The following ZNF728 variants were observed in gnomAD, a reference collection of about 807,000 sequenced individuals.
The protein encoded by ZNF728 is zinc finger protein 728.
In ZNF728, 12 loss-of-function variants were observed where a neutral mutation model predicts 12.5. That is an observed-to-expected ratio of 0.96 (90% CI 0.61 to 1.55). ZNF728 has a LOEUF of 1.55. ZNF728 is among the 40% of genes most tolerant of loss of function. ZNF728 has a pLI of 0.00. For synonymous variants in ZNF728, 205 were observed against 240.7 expected (o/e 0.85, Z 1.37); for missense variants, 692 against 719.2 (o/e 0.96, Z 0.43).
At chr19:22,988,235 A>G in intron 2 of ZNF728, 90 bp downstream of exon 2, 32 of 1,594,532 alleles carry the variant, frequency 2.0e-5, no homozygotes, top group Non-Finnish European at 2.6e-5. Context: ...TTATTCCTGC[A>G]TTCATCCTCC....
At chr19:22,987,204 A>C in intron 3 of ZNF728, 104 bp downstream of exon 3, 1 of 1,065,462 alleles carries the variant, frequency 9.4e-7, no homozygotes, top group Non-Finnish European at 1.3e-6. Flanking sequence ...GGCTTTCCAG[A>C]AACTATTTCT....
In ZNF728 at chr19:22,984,871, A is replaced by G. The variant is rs185922373; in HGVS notation, c.226+2437T>C. On this transcript the variant is annotated intron_variant, in intron 3 of 3. Transcript: ENST00000594710. ...ATAATAAAGCAATATTGCAGGCATT[A>G]AAGTTCCTGATTTCAAAAGACATTC... is the stretch of plus-strand genomic sequence containing the variant. Among the ~76,000 whole-genome samples, 227 of 152,236 alleles carry G rather than the reference A, an allele frequency of 1.5e-3. 3 individuals carry two copies. In the East Asian group the frequency reaches 0.016, roughly 11 times the overall value.
chr19:22,990,993 G>C (rs552990215), intron 1 of ZNF728, among the ~76,000 whole-genome samples: 3 of 152,282 alleles, frequency 2.0e-5, no homozygotes, highest in Admixed American at 2.0e-4. Context: ...TGTCAGTAAT[G>C]ATGTTGTTCC....
chr19:22,985,486 T>G (rs289305), intron 3 of ZNF728, among the ~76,000 whole-genome samples: 1 of 151,720 alleles, frequency 6.6e-6, no homozygotes, highest in Admixed American at 6.6e-5. Context: ...TAAGAGAGCT[T>G]TGAGATCCAG....
rs190129855 is a variant in ZNF728 at position 22,990,319 on chromosome 19, A to T, written c.4-1868T>A. Among the ~76,000 whole-genome samples, 5 of 152,168 alleles carry T rather than the reference A, an allele frequency of 3.3e-5. No individual in the cohort carries two copies. In the East Asian group the frequency reaches 9.7e-4, roughly 29 times the overall value. On this transcript the variant is annotated intron_variant, in intron 1 of 3. Transcript: ENST00000594710. ...CTTTTCTAGGATTCTTTCTCAGATA[A>T]AATTCTCTGGACAAATTACACCTGC...
chr19:22,979,494 A>G (rs1203920135), intron 3 of ZNF728, among the ~76,000 whole-genome samples: 3 of 152,176 alleles, frequency 2.0e-5, no homozygotes, highest in Non-Finnish European at 1.5e-5. Flanking sequence ...GCCAACATTC[A>G]AAGTCAGGAA....
chr19:22,975,522 T>C lies in ZNF728; in HGVS notation c.1815A>G (p.Ser605=). 6.4e-7 allele frequency: 1 copy of C among 1,566,924 alleles called. No individual in the cohort carries two copies. Residue 605 remains serine, a synonymous_variant, in exon 4 of 4, where the codon TCA becomes TCG. Transcript: ENST00000594710. The part of the protein sequence containing the change: ...EECGKDFNQS[S]HLTTHKRIHT... ...GAATTCTCTTATGAGTAGTAAGGTG[T>C]GAGGATTGGTTGAAGTCTTTACCAC...
intron 3 of ZNF728, among the ~76,000 whole-genome samples, chr19:22,978,495 C>T (rs289317): frequency 0.31 from 46,571 of 152,152 alleles, 9,252 homozygotes; most frequent in African/African-American, 0.57. Context: ...CAACACCTAG[C>T]GTTTGAGCTC....
intron 3 of ZNF728, among the ~76,000 whole-genome samples, chr19:22,979,392 G>A (rs897448891): frequency 3.3e-5 from 5 of 152,140 alleles, no homozygotes; most frequent in African/African-American, 9.7e-5. Context: ...CATTTGATCG[G>A]GGTACCTGAA....
At chr19:22,994,339 C>A (rs572494350) in intron 1 of ZNF728, among the ~76,000 whole-genome samples, 1 of 152,234 alleles carries the variant, frequency 6.6e-6, no homozygotes, top group Non-Finnish European at 1.5e-5. Flanking sequence ...TTAGTTGGCA[C>A]CTTATGTGTT....
chr19:23,001,311 T>C (rs1969111753), intron 1 of ZNF728, among the ~76,000 whole-genome samples: 2 of 152,126 alleles, frequency 1.3e-5, no homozygotes, highest in African/African-American at 2.4e-5. Context: ...GTAAAGACAA[T>C]ATTAATATCT....
chr19:22,987,245 G>A (rs1968926061), intron 3 of ZNF728, 63 bp downstream of exon 3: 3 of 1,473,466 alleles, frequency 2.0e-6, no homozygotes, highest in South Asian at 2.8e-5. Context: ...ATCACTTTAA[G>A]GACTGGCTTT....
At chr19:22,984,519 G>A (rs1363075383) in intron 3 of ZNF728, among the ~76,000 whole-genome samples, 4 of 140,236 alleles carry the variant, frequency 2.9e-5, no homozygotes, top group East Asian at 2.1e-4. Flanking sequence ...AGATTGTGCC[G>A]CTACACTCCA....
At chr19:22,999,276 A>G (rs1182312588) in intron 1 of ZNF728, among the ~76,000 whole-genome samples, 1 of 151,434 alleles carries the variant, frequency 6.6e-6, no homozygotes, top group African/African-American at 2.4e-5. Context: ...TTTTTTATAT[A>G]TACATCTAAC....
chr19:22,990,970 T>A (rs1599531633), intron 1 of ZNF728, among the ~76,000 whole-genome samples: 1 of 152,298 alleles, frequency 6.6e-6, no homozygotes, highest in East Asian at 1.9e-4. Flanking sequence ...ATGGGTCTTT[T>A]AAACAAGTGC....
intron 3 of ZNF728, among the ~76,000 whole-genome samples, chr19:22,983,548 C>T (rs1308515490): frequency 2.0e-5 from 3 of 152,154 alleles, no homozygotes; most frequent in Non-Finnish European, 2.9e-5. Context: ...TATAAAGACA[C>T]ATGCATGCAT....
intron 3 of ZNF728, among the ~76,000 whole-genome samples, chr19:22,986,137 A>G (rs1356004089): frequency 6.6e-6 from 1 of 152,010 alleles, no homozygotes; most frequent in Non-Finnish European, 1.5e-5. Context: ...AGGCCCAACA[A>G]AAGATTTTTA....
chr19:22,977,041 A>T lies in ZNF728; in HGVS notation c.296T>A (p.Ile99Lys). The T allele has an allele frequency of 6.2e-7, 1 of 1,613,064 alleles. No individual in the cohort carries two copies. Among genetic ancestry groups the T allele is most frequent in the Non-Finnish European group, 8.5e-7 (1 of 1,179,624 alleles). The change falls in exon 4 of 4, where the codon ATA becomes AAA. Residue 99 changes from isoleucine (I) to lysine (K), a missense_variant. Transcript: ENST00000594710. ...QGREDSFQKV[I>K]LRRYEKCGHE... is the part of the protein sequence containing the mutation. ...TCCACATTTTTCATATCTTCTCAAT[A>T]TCACTTTTTGGAAAGAATCTTCTCT...
intron 1 of ZNF728, among the ~76,000 whole-genome samples, chr19:23,001,420 T>C (rs529632381): frequency 1.1e-4 from 17 of 152,346 alleles, no homozygotes; most frequent in African/African-American, 4.1e-4. Context: ...TATCTCAGGT[T>C]GTCTTATGGG....
Sources: gnomAD v4.1 joint callset for allele counts (sites outside exome capture counted in the v4.1 genomes callset) on GRCh38, gnomAD v4.1.1 for gene constraint, MANE v1.5 for transcripts, NCBI Gene and HGNC (gene_info 2026-07-23, HGNC 2026-07-21) for gene names.